MKLN1: variants seen among roughly 807,000 people sequenced by gnomAD.
The protein encoded by MKLN1 is muskelin 1, also known as muskelin.
A neutral mutation model predicts 99.0 loss-of-function variants in MKLN1; 18 were observed. That is an observed-to-expected ratio of 0.18 (90% confidence interval 0.13 to 0.27). MKLN1 has a LOEUF of 0.27. Among genes scored for constraint, MKLN1 ranks in the 10% least tolerant of loss-of-function variants. The probability of loss-of-function intolerance (pLI) is 1.00; values close to 1 mark genes in which losing one functional copy is unlikely to be tolerated. For synonymous variants in MKLN1, 288 were observed against 293.2 expected (o/e 0.98, Z 0.18); for missense variants, 621 against 875.9 (o/e 0.71, Z 3.67).
At chr7:131,234,568 C>A (rs1458035793) in intron 3 of MKLN1, among the ~76,000 whole-genome samples, 1 of 151,916 alleles carries the variant, frequency 6.6e-6, no homozygotes, top group Non-Finnish European at 1.5e-5. Context: ...TGGTGGTGTT[C>A]CCAAGAAATA....
intron 10 of MKLN1, among the ~76,000 whole-genome samples, chr7:131,442,173 G>A (rs192983063): frequency 4.6e-4 from 70 of 152,330 alleles, no homozygotes; most frequent in African/African-American, 1.6e-3. Flanking sequence ...TAATGAGGTA[G>A]ATCTTTTTAG....
At chr7:131,356,227 T>C (rs2116783177) in intron 1 of MKLN1, among the ~76,000 whole-genome samples, 1 of 152,172 alleles carries the variant, frequency 6.6e-6, no homozygotes, top group Middle Eastern at 3.4e-3. Flanking sequence ...TCCTCACTCC[T>C]GAGATCTTAT....
At chr7:131,337,717 AAAT>A (rs1799290353) in intron 1 of MKLN1, among the ~76,000 whole-genome samples, 1 of 150,950 alleles carries the variant, frequency 6.6e-6, no homozygotes, top group South Asian at 2.1e-4. Context: ...TTGTTAGGCC[AAAT>A]AATAATAATA....
chr7:131,162,959 A>G (rs962568997), intron 2 of MKLN1, among the ~76,000 whole-genome samples: 3 of 152,216 alleles, frequency 2.0e-5, no homozygotes, highest in East Asian at 1.9e-4. Context: ...TTATGTTTCT[A>G]TTGGACAGCA....
In MKLN1 at chr7:131,402,276, T is replaced by C. The variant is rs144567045; in HGVS notation, c.703+2843T>C. On this transcript the variant is annotated intron_variant, in intron 6 of 17. Coordinates refer to ENST00000352689, the MANE Select transcript of MKLN1 (RefSeq NM_013255.5). ...ATTTGCTCATTCATAAGAAGCAATT[T>C]CTCATCCATTCAAGTTTTATCATGA... 2.5e-3 allele frequency among the ~76,000 whole-genome samples: 377 copies of C among 152,326 alleles called. 4 individuals are homozygous for C. Among genetic ancestry groups the C allele is most frequent in the Admixed American group, 3.9e-3 (60 of 15,288 alleles).
At chr7:131,179,736 A>C (rs1796352475) in intron 2 of MKLN1, among the ~76,000 whole-genome samples, 1 of 151,776 alleles carries the variant, frequency 6.6e-6, no homozygotes, top group Admixed American at 6.6e-5. Context: ...TGCCATGCCC[A>C]GCTAATTTTT....
intron 17 of MKLN1, among the ~76,000 whole-genome samples, chr7:131,485,004 T>C (rs897455122): frequency 6.6e-6 from 1 of 152,124 alleles, no homozygotes; most frequent in African/African-American, 2.4e-5. Flanking sequence ...TAGGCATATA[T>C]GCATAGGCCT....
rs1796982713 is a variant in MKLN1 at position 131,476,894 on chromosome 7, G to A, written c.2032-1729G>A. 2.6e-5 allele frequency among the ~76,000 whole-genome samples: 4 copies of A among 152,186 alleles called. No homozygotes were observed. The South Asian group carries it at 8.3e-4, about 32-fold the overall frequency. Reference sequence around the variant, plus strand: ...GTACTGGCTTAAGGATAGACAAATGGATCAGTACAACAGAATAGAGTCCAG... The same window carrying A: ...GTACTGGCTTAAGGATAGACAAATGAATCAGTACAACAGAATAGAGTCCAG... On this transcript the variant is annotated intron_variant, in intron 16 of 17. Transcript: ENST00000352689.
At chr7:131,462,523 C>T (rs961889606) in intron 12 of MKLN1, among the ~76,000 whole-genome samples, 1 of 152,140 alleles carries the variant, frequency 6.6e-6, no homozygotes, top group African/African-American at 2.4e-5. Context: ...AAAGCATTAT[C>T]CTTTCCTTCC....
intron 2 of MKLN1, among the ~76,000 whole-genome samples, chr7:131,194,714 C>T (rs1796616945): frequency 6.6e-6 from 1 of 152,174 alleles, no homozygotes; most frequent in South Asian, 2.1e-4. Flanking sequence ...GAGCTTGATT[C>T]AAATACTGAA....
intron 1 of MKLN1, among the ~76,000 whole-genome samples, chr7:131,335,837 T>C (rs906687791): frequency 6.6e-6 from 1 of 152,028 alleles, no homozygotes; most frequent in Non-Finnish European, 1.5e-5. Flanking sequence ...TTGATACTTA[T>C]TTTATGGCTC....
chr7:131,482,241 C>G (rs1200084105), intron 17 of MKLN1, among the ~76,000 whole-genome samples: 2 of 152,144 alleles, frequency 1.3e-5, no homozygotes, highest in Non-Finnish European at 2.9e-5. Flanking sequence ...GATACTTAGG[C>G]TGGAGTGCAG....
At chr7:131,344,205 G>A (rs1799488737) in intron 1 of MKLN1, among the ~76,000 whole-genome samples, 2 of 152,042 alleles carry the variant, frequency 1.3e-5, no homozygotes, top group East Asian at 1.9e-4. Context: ...TTTTCTTTGG[G>A]TATTGCCTGA....
intron 2 of MKLN1, among the ~76,000 whole-genome samples, chr7:131,186,876 G>A (rs527936657): frequency 2.6e-5 from 4 of 152,318 alleles, no homozygotes; most frequent in Admixed American, 6.5e-5. Flanking sequence ...AGGTAGAAGT[G>A]CACTCAGGGA....
intron 3 of MKLN1, among the ~76,000 whole-genome samples, chr7:131,292,765 G>T (rs1391995570): frequency 6.6e-6 from 1 of 152,152 alleles, no homozygotes; most frequent in East Asian, 1.9e-4. Context: ...CCCAATTTGT[G>T]AGTACTTTGT....
At chr7:131,328,217 G>C (rs968519503) in intron 1 of MKLN1, 20 of 569,972 alleles carry the variant, frequency 3.5e-5, no homozygotes, top group Non-Finnish European at 5.8e-5. Flanking sequence ...AAGGGGCGAG[G>C]TGTGTGGCGG....
At chr7:131,168,980 G>A (rs1419858508) in intron 2 of MKLN1, among the ~76,000 whole-genome samples, 2 of 151,454 alleles carry the variant, frequency 1.3e-5, no homozygotes, top group Non-Finnish European at 2.9e-5. Flanking sequence ...CAATTCGTGT[G>A]CCTTAACCTC....
At chr7:131,376,342 TAAA>T (rs35692782) in intron 2 of MKLN1, among the ~76,000 whole-genome samples, 2 of 131,510 alleles carry the variant, frequency 1.5e-5, no homozygotes, top group Non-Finnish European at 3.2e-5. Flanking sequence ...TGATCTATGT[TAAA>T]AAAAAAAAAA....
chr7:131,117,256 C>G (rs1018065986), intron 1 of MKLN1, among the ~76,000 whole-genome samples: 1 of 151,974 alleles, frequency 6.6e-6, no homozygotes, highest in African/African-American at 2.4e-5. Context: ...ATGGTGAAAC[C>G]TCGTCTCTAC....
Sources: gnomAD v4.1 joint callset for allele counts (sites outside exome capture counted in the v4.1 genomes callset) on GRCh38, gnomAD v4.1.1 for gene constraint, MANE v1.5 for transcripts, NCBI Gene and HGNC (gene_info 2026-07-23, HGNC 2026-07-21) for gene names.